Variants in SYNPO2 observed in about 807,000 individuals in gnomAD.
SYNPO2 encodes synaptopodin 2.
SYNPO2 carries 56 observed loss-of-function variants against 85.0 expected under a neutral mutation model. The ratio of observed to expected loss-of-function variants is 0.66; its 90% CI spans 0.53 to 0.82. SYNPO2 has a LOEUF of 0.82. Among genes scored for constraint, SYNPO2 ranks in the 40% least tolerant of loss-of-function variants. The pLI, the probability that SYNPO2 is intolerant of heterozygous loss-of-function variation, is 0.00. For missense variants in SYNPO2, 1,575 were observed against 1,534.2 expected, an observed-to-expected ratio of 1.03 and a Z score of -0.44; for synonymous variants, 602 against 591.1, an observed-to-expected ratio of 1.02 and a Z score of -0.27.
chr4:118,981,733 AACAAGC>A (rs1351139052), intron 1 of SYNPO2, among the ~76,000 whole-genome samples: 2 of 152,174 alleles, frequency 1.3e-5, no homozygotes, highest in Non-Finnish European at 2.9e-5. Flanking sequence ...TAATTAACAA[AACAAGC>A]TTGTGGTTGT....
intron 1 of SYNPO2, among the ~76,000 whole-genome samples, chr4:118,993,636 C>G (rs1049434693): frequency 1.3e-5 from 2 of 152,174 alleles, no homozygotes; most frequent in African/African-American, 4.8e-5. Flanking sequence ...ACTACAGACT[C>G]CCATGATGGA....
intron 1 of SYNPO2, among the ~76,000 whole-genome samples, chr4:118,999,835 C>T (rs1339059742): frequency 6.6e-6 from 1 of 152,142 alleles, no homozygotes; most frequent in East Asian, 1.9e-4. Flanking sequence ...TAATCTACTA[C>T]CATCTTCAGG....
chr4:118,929,984 G>A (rs549199565), intron 1 of SYNPO2, among the ~76,000 whole-genome samples: 1 of 152,220 alleles, frequency 6.6e-6, no homozygotes, highest in East Asian at 1.9e-4. Flanking sequence ...TGGTTATAAT[G>A]ATAAACGTCT....
intron 1 of SYNPO2, among the ~76,000 whole-genome samples, chr4:118,928,510 A>T (rs1361519050): frequency 5.9e-5 from 9 of 152,162 alleles, no homozygotes. Context: ...TTATGAGGTC[A>T]TAACTAGTAC....
At position 119,030,579 on chromosome 4, in the gene SYNPO2, C is replaced by G. The variant is rs1738188241; in HGVS notation, c.1804C>G (p.Pro602Ala). 6.2e-7 allele frequency: 1 copy of G among 1,613,994 alleles called. No individual in the cohort carries two copies. The stretch of plus-strand genomic sequence containing the variant: ...AGGGTCTGTGAATCAGCCAGCTACC[C>G]CCTTCTCGCCAACCCGAAACATGAC... Reference protein sequence around the residue: ...FPGSVNQPATPFSPTRNMTSP... With the variant: ...FPGSVNQPATAFSPTRNMTSP... Residue 602 changes from proline to alanine, a missense_variant, in exon 4 of 5, where the codon CCC becomes GCC. By Grantham distance (27) the Pro-to-Ala change is conservative (BLOSUM62 -1). Transcript: ENST00000307142.
At chr4:118,925,887 C>G (rs546192520) in intron 1 of SYNPO2, among the ~76,000 whole-genome samples, 1 of 152,224 alleles carries the variant, frequency 6.6e-6, no homozygotes, top group South Asian at 2.1e-4. Flanking sequence ...AATTCCCCAA[C>G]CTTGACATTT....
chr4:119,010,614 C>A (rs959948697), intron 1 of SYNPO2, among the ~76,000 whole-genome samples: 2 of 152,132 alleles, frequency 1.3e-5, no homozygotes, highest in African/African-American at 4.8e-5. Flanking sequence ...AGAAGCCTTG[C>A]CTGCTATGTG....
chr4:118,902,532 C>T (rs1188754836), intron 1 of SYNPO2, among the ~76,000 whole-genome samples: 1 of 151,980 alleles, frequency 6.6e-6, no homozygotes, highest in Non-Finnish European at 1.5e-5. Context: ...GGAAACCGCC[C>T]CCATGATTTA....
At chr4:118,890,916 T>C (rs1256504177) in intron 1 of SYNPO2, among the ~76,000 whole-genome samples, 1 of 151,976 alleles carries the variant, frequency 6.6e-6, no homozygotes, top group Non-Finnish European at 1.5e-5. Context: ...GGGGACAGAG[T>C]GGCTGAGTGC....
intron 1 of SYNPO2, among the ~76,000 whole-genome samples, chr4:119,003,625 T>G (rs1314357161): frequency 6.6e-6 from 1 of 152,206 alleles, no homozygotes; most frequent in African/African-American, 2.4e-5. Context: ...CTGGAGACAT[T>G]AGTAATAACA....
At chr4:119,035,657 A>G (rs1455352441) in intron 4 of SYNPO2, 1 of 985,386 alleles carries the variant, frequency 1.0e-6, no homozygotes, top group Non-Finnish European at 1.2e-6. Flanking sequence ...TAGCCATAGG[A>G]AAACCAATCT....
At chr4:118,945,938 G>T (rs902937147) in intron 1 of SYNPO2, among the ~76,000 whole-genome samples, 2 of 152,016 alleles carry the variant, frequency 1.3e-5, no homozygotes, top group Non-Finnish European at 2.9e-5. Context: ...TAGAGTAGGG[G>T]TTTCACCATG....
chr4:118,942,452 C>T (rs370112978), intron 1 of SYNPO2, among the ~76,000 whole-genome samples: 3 of 152,126 alleles, frequency 2.0e-5, no homozygotes, highest in Admixed American at 6.5e-5. Flanking sequence ...ATACATAGTT[C>T]GTGTTTCACC....
intron 4 of SYNPO2, chr4:119,034,551 A>G (rs1738423979): frequency 6.1e-6 from 6 of 985,566 alleles, no homozygotes; most frequent in Non-Finnish European, 7.2e-6. Flanking sequence ...TCAGGCATGC[A>G]GTAAAAGCAT....
intron 4 of SYNPO2, chr4:119,033,766 C>T: frequency 1.0e-6 from 1 of 984,752 alleles, no homozygotes; most frequent in Non-Finnish European, 1.2e-6. Context: ...AAAAATCTTC[C>T]TTGTATGAGC....
Position 119,057,776 on chromosome 4 carries a change from A to G in SYNPO2, c.3628A>G (p.Thr1210Ala). ...CACAGCCAATAATAATATGTCCACC[A>G]CCTCCCAATATGGTTCACAGTTGCC... is the stretch of plus-strand genomic sequence containing the variant. ...NVTANNNMST[T>A]SQYGSQLPYA... The change falls in exon 5 of 5, where the codon ACC (threonine) becomes GCC (alanine). Residue 1210 changes from threonine to alanine, a missense_variant. Thr to Ala is a moderately conservative substitution (Grantham distance 58, BLOSUM62 0). Around this residue, in one of 3 missense-constraint regions of SYNPO2, gnomAD observed 1,508 missense variants for 1,446.8 expected, o/e 1.04. Transcript: ENST00000307142. 3 of 1,613,756 alleles carry G rather than the reference A, an allele frequency of 1.9e-6. No individual in the cohort carries two copies. Among genetic ancestry groups the G allele is most frequent in the Middle Eastern group, 1.7e-4 (1 of 6,060 alleles).
intron 1 of SYNPO2, among the ~76,000 whole-genome samples, chr4:118,853,695 G>A (rs1217620569): frequency 6.6e-6 from 1 of 152,108 alleles, no homozygotes; most frequent in African/African-American, 2.4e-5. Flanking sequence ...TCTGGTCTTA[G>A]GGGTAGCGGG....
intron 1 of SYNPO2, among the ~76,000 whole-genome samples, chr4:118,877,610 A>T (rs1731949680): frequency 6.6e-6 from 1 of 152,222 alleles, no homozygotes. Context: ...AAAGAAGATC[A>T]ACATCACTGA....
intron 1 of SYNPO2, among the ~76,000 whole-genome samples, chr4:118,944,038 G>A (rs1182094449): frequency 6.6e-6 from 1 of 152,130 alleles, no homozygotes; most frequent in Non-Finnish European, 1.5e-5. Context: ...ACATGTTAAA[G>A]TTTAATTTCT....
Sources: gnomAD v4.1 joint callset for allele counts (sites outside exome capture counted in the v4.1 genomes callset) on GRCh38, gnomAD v4.1.1 for gene constraint, gnomAD v4.1.1 regional missense constraint, MANE v1.5 for transcripts, NCBI Gene and HGNC (gene_info 2026-07-23, HGNC 2026-07-21) for gene names.